The following PLCG2 variants were observed in gnomAD, a reference collection of about 807,000 sequenced individuals.
PLCG2 encodes the protein 1-phosphatidylinositol 4,5-bisphosphate phosphodiesterase gamma-2.
In PLCG2, 69 loss-of-function variants were observed where a neutral mutation model predicts 175.6. The ratio of observed to expected loss-of-function variants is 0.39; its 90% CI spans 0.32 to 0.48. The LOEUF is 0.48. Ranked by LOEUF, PLCG2 falls within the 20% of genes least tolerant of loss-of-function variation. The probability of loss-of-function intolerance (pLI) is 0.91; values close to 1 mark genes in which losing one functional copy is unlikely to be tolerated. For missense variants in PLCG2, 1,798 were observed against 1,650.9 expected (o/e 1.09, Z -1.54); for synonymous variants, 827 against 624.0 (o/e 1.33, Z -4.85).
chr16:81,861,393 A>G (rs1174402725), intron 5 of PLCG2, among the ~76,000 whole-genome samples: 2 of 152,148 alleles, frequency 1.3e-5, no homozygotes, highest in African/African-American at 4.8e-5. Context: ...GGTTTGGGTG[A>G]GCTTCCCTGG....
intron 1 of PLCG2, among the ~76,000 whole-genome samples, chr16:81,753,139 ACCCTTCCACACCCC>A (rs67415901): frequency 0.53 from 80,501 of 151,732 alleles, 22,421 homozygotes; most frequent in Middle Eastern, 0.64. Context: ...CCGGCCTCGC[ACCCTTCCACACCCC>A]CTCGGCCCTG....
chr16:81,831,196 A>G (rs900359948), intron 2 of PLCG2, among the ~76,000 whole-genome samples: 1 of 152,080 alleles, frequency 6.6e-6, no homozygotes, highest in African/African-American at 2.4e-5. Context: ...AAGTGTAATA[A>G]ATATTGACTT....
chr16:81,812,941 C>T (rs991882867), intron 2 of PLCG2, among the ~76,000 whole-genome samples: 12 of 152,140 alleles, frequency 7.9e-5, no homozygotes, highest in Admixed American at 4.6e-4. Context: ...AATCCTTTCC[C>T]CGTTGCTTGT....
At position 81,931,570 on chromosome 16, in the gene PLCG2, G is replaced by A. The variant is rs187441573; in HGVS notation, c.2655G>A (p.Pro885=). Residue 885 remains proline (P), a synonymous_variant, in exon 25 of 33, where the codon CCG becomes CCA. Transcript: ENST00000564138. ...AGCCCAAGCAGCAGGGCGATCCTCC[G>A]GTGGAGTTTGCCACAGACAGGGTGG... ...ILEPKQQGDP[P]VEFATDRVEE... is the part of the protein sequence containing the mutation. 116 of 1,614,062 alleles carry A rather than the reference G, an allele frequency of 7.2e-5. 1 individual carries two copies. The African/African-American group carries it at 1.1e-3, about 15-fold the overall frequency.
chr16:81,822,313 A>G (rs923017603), intron 2 of PLCG2, among the ~76,000 whole-genome samples: 3 of 152,174 alleles, frequency 2.0e-5, no homozygotes, highest in African/African-American at 7.2e-5. Flanking sequence ...TGGCCCCCAG[A>G]GATGTCCATG....
chr16:81,795,071 A>G (rs968787917), intron 2 of PLCG2, among the ~76,000 whole-genome samples: 3 of 152,214 alleles, frequency 2.0e-5, no homozygotes, highest in African/African-American at 7.2e-5. Flanking sequence ...TTTAGCAAAT[A>G]CTCAAAGAGG....
At chr16:81,776,083 C>CTTTCTTTCTTGCTTGCTTGCTT, upstream of PLCG2, among the ~76,000 whole-genome samples, 1 of 81,848 alleles carries the variant, frequency 1.2e-5, no homozygotes, top group Non-Finnish European at 2.7e-5. Context: ...TTCTCTCTCT[C>CTTTCTTTCTTGCTTGCTTGCTT]TCTCTCTTTC....
chr16:81,813,188 T>C (rs1441913568), intron 2 of PLCG2, among the ~76,000 whole-genome samples: 1 of 152,218 alleles, frequency 6.6e-6, no homozygotes, highest in African/African-American at 2.4e-5. Flanking sequence ...AAATTTAAAG[T>C]AGTTTCTAAT....
intron 1 of PLCG2, among the ~76,000 whole-genome samples, chr16:81,743,313 G>T (rs9923559): frequency 0.4 from 60,797 of 151,892 alleles, 12,415 homozygotes; most frequent in East Asian, 0.7. Context: ...GTAGCACCAC[G>T]GCCTTCCAGT....
chr16:81,824,325 G>A (rs1316911445), intron 2 of PLCG2, among the ~76,000 whole-genome samples: 1 of 152,066 alleles, frequency 6.6e-6, no homozygotes, highest in Non-Finnish European at 1.5e-5. Flanking sequence ...GTAGAGACAA[G>A]GTTTCACCAC....
chr16:81,875,163 C>G (rs192674217), intron 7 of PLCG2, among the ~76,000 whole-genome samples: 1 of 151,826 alleles, frequency 6.6e-6, no homozygotes, highest in African/African-American at 2.4e-5. Context: ...GGGGTTTCAC[C>G]GTGTTGGCCA....
chr16:81,927,921 T>TA (rs905688173), intron 23 of PLCG2, among the ~76,000 whole-genome samples: 13 of 152,198 alleles, frequency 8.5e-5, no homozygotes, highest in African/African-American at 3.1e-4. Flanking sequence ...CTGGAAGCCC[T>TA]TGCTTCCTCT....
At chr16:81,955,456 A>G (rs1294855036) in intron 31 of PLCG2, among the ~76,000 whole-genome samples, 1 of 152,194 alleles carries the variant, frequency 6.6e-6, no homozygotes, top group Non-Finnish European at 1.5e-5. Context: ...GAGGCAAAAC[A>G]TCCTCATCCT....
At chr16:81,770,542 G>C (rs1225207380) in intron 2 of PLCG2, among the ~76,000 whole-genome samples, 1 of 151,974 alleles carries the variant, frequency 6.6e-6, no homozygotes, top group African/African-American at 2.4e-5. Context: ...ATGAAACCTT[G>C]TCTCTATAAA....
chr16:81,750,762 G>A (rs1343945926), intron 1 of PLCG2, among the ~76,000 whole-genome samples: 1 of 136,280 alleles, frequency 7.3e-6, no homozygotes, highest in Non-Finnish European at 1.5e-5. Flanking sequence ...CCGCCTCCCG[G>A]GTTCATGCCA....
In PLCG2 at chr16:81,907,720, C is replaced by A. The variant is rs1486796361; in HGVS notation, c.1503C>A (p.Ala501=). Residue 501 remains alanine (A), a synonymous_variant, in exon 16 of 33, where the codon GCC becomes GCA. Coordinates refer to ENST00000564138, the MANE Select transcript of PLCG2 (RefSeq NM_002661.5). The part of the protein sequence containing the change: ...WTRHYCAIAD[A]KLSFSDDIEQ... Reference sequence around the variant, plus strand: ...GGCACTACTGCGCCATTGCCGATGCCAAGCTGTCCTTCAGTGATGACATTG... The same window carrying A: ...GGCACTACTGCGCCATTGCCGATGCAAAGCTGTCCTTCAGTGATGACATTG... The A allele has an allele frequency of 1.2e-6, 2 of 1,613,934 alleles. No individual in the cohort carries two copies. The highest frequency in any genetic ancestry group is 1.7e-6 in the Non-Finnish European group (2 of 1,179,918).
intron 31 of PLCG2, among the ~76,000 whole-genome samples, chr16:81,955,708 C>T (rs896490192): frequency 1.3e-5 from 2 of 152,130 alleles, no homozygotes; most frequent in Non-Finnish European, 1.5e-5. Context: ...TCAGCTGATC[C>T]CAAGAAAAGA....
At chr16:81,891,178 A>G (rs1908613547) in intron 10 of PLCG2, among the ~76,000 whole-genome samples, 1 of 152,218 alleles carries the variant, frequency 6.6e-6, no homozygotes, top group African/African-American at 2.4e-5. Flanking sequence ...ACAAAGAAAG[A>G]AAAACCAACA....
intron 19 of PLCG2, among the ~76,000 whole-genome samples, chr16:81,917,321 C>G (rs908324558): frequency 1.3e-5 from 2 of 150,718 alleles, no homozygotes; most frequent in African/African-American, 4.9e-5. Context: ...CAGGCTGATT[C>G]TACACCTTGG....
Sources: allele counts gnomAD v4.1 joint callset (sites outside exome capture counted in the v4.1 genomes callset), GRCh38; gene constraint gnomAD v4.1.1; transcripts MANE v1.5; gene names NCBI Gene and HGNC (gene_info 2026-07-23, HGNC 2026-07-21).